NXPE4: variants seen among roughly 807,000 people sequenced by gnomAD.
NXPE4 encodes neurexophilin and PC-esterase domain family member 4, also known as NXPE family member 4.
NXPE4 carries 42 observed loss-of-function variants against 33.3 expected under a neutral mutation model. The ratio of observed to expected loss-of-function variants is 1.26; its 90% confidence interval spans 0.98 to 1.63. The LOEUF is 1.63. Among genes scored for constraint, NXPE4 ranks in the 40% most tolerant of loss-of-function variants. NXPE4 has a pLI of 0.00. For synonymous variants in NXPE4, 253 were observed against 234.9 expected (o/e 1.08, Z -0.71); for missense variants, 709 against 647.6 (o/e 1.09, Z -1.03).
the NXPE4 span, among the ~76,000 whole-genome samples, chr11:114,608,726 C>T: frequency 3.3e-5 from 5 of 151,738 alleles, no homozygotes; most frequent in African/African-American, 1.2e-4. Context: ...AGTACTGCCT[C>T]GTGGGTAACC....
chr11:114,626,936 G>T, the NXPE4 span, among the ~76,000 whole-genome samples: 1 of 151,926 alleles, frequency 6.6e-6, no homozygotes, highest in Non-Finnish European at 1.5e-5. Context: ...AAGATGAAAT[G>T]AATGAAATGA....
At chr11:114,598,331 G>C (rs1949601756), upstream of NXPE4, among the ~76,000 whole-genome samples, 2 of 32,392 alleles carry the variant, frequency 6.2e-5, no homozygotes, top group Admixed American at 5.4e-4. Flanking sequence ...CAGAGTGCAA[G>C]CTGCCAGTGT....
At chr11:114,629,401 C>G in the NXPE4 span, among the ~76,000 whole-genome samples, 6 of 151,104 alleles carry the variant, frequency 4.0e-5, no homozygotes, top group South Asian at 2.1e-4. Flanking sequence ...AGCATATAAA[C>G]AGAACCAAAG....
the NXPE4 span, among the ~76,000 whole-genome samples, chr11:114,602,104 TAA>T: frequency 1.0e-5 from 1 of 96,870 alleles, no homozygotes; most frequent in Admixed American, 1.8e-4. Context: ...ACATATATTA[TAA>T]TATATATAAT....
the NXPE4 span, among the ~76,000 whole-genome samples, chr11:114,624,571 G>A: frequency 3.3e-5 from 5 of 151,774 alleles, no homozygotes; most frequent in Admixed American, 6.6e-5. Flanking sequence ...ATTGCCCCGT[G>A]GGTAACCACT....
the NXPE4 span, among the ~76,000 whole-genome samples, chr11:114,664,941 G>A: frequency 1.3e-5 from 2 of 152,104 alleles, no homozygotes; most frequent in Non-Finnish European, 2.9e-5. Flanking sequence ...AAGTGGGCTA[G>A]GCTAAGCTAT....
At chr11:114,676,486 G>A in the NXPE4 span, among the ~76,000 whole-genome samples, 1 of 151,908 alleles carries the variant, frequency 6.6e-6, no homozygotes, top group Non-Finnish European at 1.5e-5. Context: ...ACATTCTAAT[G>A]GCCAAGAGGT....
the NXPE4 span, among the ~76,000 whole-genome samples, chr11:114,602,002 ATGTAT>A: frequency 2.3e-5 from 2 of 85,662 alleles, no homozygotes; most frequent in Admixed American, 2.2e-4. Flanking sequence ...AATGTATCTA[ATGTAT>A]TATATTATAT....
chr11:114,648,068 T>TTA, the NXPE4 span, among the ~76,000 whole-genome samples: 1 of 152,186 alleles, frequency 6.6e-6, no homozygotes, highest in Non-Finnish European at 1.5e-5. Flanking sequence ...AAGACATATA[T>TTA]TGAGTCTTTG....
At chr11:114,669,622 G>A in the NXPE4 span, among the ~76,000 whole-genome samples, 1 of 152,190 alleles carries the variant, frequency 6.6e-6, no homozygotes, top group South Asian at 2.1e-4. Context: ...CTCACTGGCT[G>A]AGTGTCACCC....
chr11:114,600,724 C>A (rs1949628148), upstream of NXPE4, among the ~76,000 whole-genome samples: 1 of 151,996 alleles, frequency 6.6e-6, no homozygotes, highest in Non-Finnish European at 1.5e-5. Context: ...CAAAAAAAGT[C>A]TGTAATTTCA....
At chr11:114,638,150 GC>G in the NXPE4 span, among the ~76,000 whole-genome samples, 2 of 151,762 alleles carry the variant, frequency 1.3e-5, no homozygotes, top group African/African-American at 4.8e-5. Flanking sequence ...TTTCTCGGAG[GC>G]TTTGTTCATT....
At chr11:114,671,199 A>C in the NXPE4 span, among the ~76,000 whole-genome samples, 8 of 151,388 alleles carry the variant, frequency 5.3e-5, no homozygotes, top group Non-Finnish European at 1.2e-4. Flanking sequence ...GTCAGAAGAA[A>C]GAATCAGCAA....
At chr11:114,661,484 G>A in the NXPE4 span, among the ~76,000 whole-genome samples, 1 of 152,144 alleles carries the variant, frequency 6.6e-6, no homozygotes, top group Non-Finnish European at 1.5e-5. Context: ...TGCCTGTTTT[G>A]TCTGCATTGT....
chr11:114,672,370 C>T, the NXPE4 span, among the ~76,000 whole-genome samples: 1 of 150,848 alleles, frequency 6.6e-6, no homozygotes, highest in Non-Finnish European at 1.5e-5. Context: ...AGATGTTACA[C>T]TAGAAAATAT....
chr11:114,588,274 C>G (rs1323844137), intron 2 of NXPE4, among the ~76,000 whole-genome samples: 3 of 152,168 alleles, frequency 2.0e-5, no homozygotes, highest in Admixed American at 1.3e-4. Context: ...CTTATCCTTA[C>G]AGGAAATGCT....
chr11:114,657,224 C>G, the NXPE4 span, among the ~76,000 whole-genome samples: 4 of 152,296 alleles, frequency 2.6e-5, no homozygotes, highest in African/African-American at 9.6e-5. Flanking sequence ...TCTTTCCTAC[C>G]TCTATCTCTG....
chr11:114,629,707 A>C, the NXPE4 span, among the ~76,000 whole-genome samples: 3 of 151,948 alleles, frequency 2.0e-5, no homozygotes, highest in Admixed American at 6.6e-5. Flanking sequence ...AGGGTATTCA[A>C]TTAGGAAAAG....
At chr11:114,602,068 A>G in the NXPE4 span, among the ~76,000 whole-genome samples, 1 of 93,696 alleles carries the variant, frequency 1.1e-5, no homozygotes, top group African/African-American at 4.4e-5. Context: ...ATATTATAAT[A>G]TATATTCTAT....
Sources: gnomAD v4.1 joint callset for allele counts (sites outside exome capture counted in the v4.1 genomes callset) on GRCh38, gnomAD v4.1.1 for gene constraint, MANE v1.5 for transcripts, NCBI Gene and HGNC (gene_info 2026-07-23, HGNC 2026-07-21) for gene names.